The following B3GALT5 variants were observed in gnomAD, a reference collection of about 807,000 sequenced individuals.
B3GALT5 encodes the protein beta-1,3-galactosyltransferase 5.
For synonymous variants in B3GALT5, 156 were observed against 158.6 expected, an observed-to-expected ratio of 0.98 and a Z score of 0.12; for missense variants, 328 against 396.6, an observed-to-expected ratio of 0.83 and a Z score of 1.47.
rs774522206 is a variant in B3GALT5, at chr21:39,666,189, G to A, written c.*4697G>A. On this transcript the variant is annotated 3_prime_UTR_variant, in exon 4 of 4. Coordinates refer to ENST00000684187, the MANE Select transcript of B3GALT5 (RefSeq NM_001356336.2). The stretch of plus-strand genomic sequence containing the variant: ...CTCTTCACCCCTTTTCTTCCAAAAC[G>A]GAAAACCTCACACAATGCAGGGTGG... 4 of 152,276 alleles carry A rather than the reference G, an allele frequency of 2.6e-5. No homozygotes were observed. The highest frequency in any genetic ancestry group is 6.5e-5 in the Admixed American group (1 of 15,284). The allele number at this position is 152,276 out of a possible 1,614,324, so 9.4% of individuals were successfully genotyped here.
intron 1 of B3GALT5, chr21:39,630,464 G>C (rs545123856): frequency 2.6e-5 from 4 of 152,288 alleles, no homozygotes; most frequent in Admixed American, 2.6e-4. Flanking sequence ...TGACTCACTC[G>C]GAACTGCTTG....
intron 2 of B3GALT5, chr21:39,657,776 T>C: frequency 9.9e-7 from 1 of 1,009,266 alleles, no homozygotes; most frequent in South Asian, 5.0e-5. Flanking sequence ...GTTGATTCGA[T>C]CTCTCTAGAG....
At chr21:39,623,501 G>A (rs111766274) in intron 1 of B3GALT5, among the ~76,000 whole-genome samples, 2,364 of 151,842 alleles carry the variant, frequency 0.016, 70 homozygotes, top group African/African-American at 0.053. Context: ...TATTATTGAG[G>A]CTACATGGGT....
At position 39,660,781 on chromosome 21, in the gene B3GALT5, G is replaced by A. The variant is rs755928594; in HGVS notation, c.222G>A (p.Met74Ile). ...TSSHKQLAER[M>I]AIRQTWGKER... The stretch of plus-strand genomic sequence containing the variant: ...CCCACAAACAGTTGGCTGAGCGCAT[G>A]GCCATCCGGCAGACGTGGGGGAAAG... Residue 74 changes from methionine to isoleucine, a missense_variant, in exon 4 of 4, where the codon ATG (methionine) becomes ATA (isoleucine). Met to Ile is a conservative substitution (Grantham distance 10, BLOSUM62 1). Transcript: ENST00000684187. The A allele has an allele frequency of 6.4e-7, 1 of 1,568,842 alleles. No homozygotes were observed. Among genetic ancestry groups the A allele is most frequent in the South Asian group, 1.2e-5 (1 of 82,132 alleles).
At chr21:39,621,626 T>A (rs1396123129) in intron 1 of B3GALT5, among the ~76,000 whole-genome samples, 1 of 152,122 alleles carries the variant, frequency 6.6e-6, no homozygotes, top group African/African-American at 2.4e-5. Flanking sequence ...CAGGTTCTAT[T>A]CCTTTTCAAT....
At chr21:39,627,693 T>A (rs1473454994) in intron 1 of B3GALT5, among the ~76,000 whole-genome samples, 1 of 152,210 alleles carries the variant, frequency 6.6e-6, no homozygotes, top group African/African-American at 2.4e-5. Context: ...TCTCTACCTT[T>A]TATTTATTCA....
chr21:39,659,722 T>C (rs1227408586), intron 2 of B3GALT5, 31 bp from the exon 3 acceptor site: 1 of 983,840 alleles, frequency 1.0e-6, no homozygotes, highest in African/African-American at 1.7e-5. Flanking sequence ...CACGAGTGAT[T>C]TGAATGACAC....
intron 2 of B3GALT5, among the ~76,000 whole-genome samples, chr21:39,658,763 G>T (rs1334676315): frequency 6.6e-6 from 1 of 152,146 alleles, no homozygotes; most frequent in Non-Finnish European, 1.5e-5. Flanking sequence ...CAGGAGCTGG[G>T]CAGGAACTCC....
chr21:39,637,986 G>A (rs1158981604), intron 1 of B3GALT5, among the ~76,000 whole-genome samples: 1 of 152,156 alleles, frequency 6.6e-6, no homozygotes, highest in Non-Finnish European at 1.5e-5. Flanking sequence ...GGGTCAGGGT[G>A]TTGCCTTTTG....
intron 2 of B3GALT5, among the ~76,000 whole-genome samples, chr21:39,652,027 T>G (rs2079400220): frequency 1.3e-5 from 2 of 152,226 alleles, no homozygotes; most frequent in Admixed American, 6.5e-5. Flanking sequence ...TTGTGGCTCC[T>G]TAACTGGCTC....
In B3GALT5 at chr21:39,671,417, G is replaced by A. The variant is rs1159339786; in HGVS notation, c.*9925G>A. 1 of 152,092 alleles carries A rather than the reference G, an allele frequency of 6.6e-6. No homozygotes were observed. Among genetic ancestry groups the A allele is most frequent in the South Asian group, 2.1e-4 (1 of 4,816 alleles). 9.4% of individuals were successfully genotyped at this position (152,092 alleles called of 1,614,324 possible). A position where few individuals can be genotyped will look rare whatever the true frequency, so the allele number is the denominator to read the frequency against. ...CTCTCTCTGTTTGGGTCTCTGGCAT[G>A]GTGCCTGCTGGAGAGTAGATACTTG... On this transcript the variant is annotated 3_prime_UTR_variant, in exon 4 of 4. Transcript: ENST00000684187.
At chr21:39,629,606 T>C (rs562643669) in intron 1 of B3GALT5, among the ~76,000 whole-genome samples, 14 of 152,356 alleles carry the variant, frequency 9.2e-5, no homozygotes, top group African/African-American at 3.4e-4. Context: ...CTTTCTTTCA[T>C]AATGAACATG....
rs551840451 is a variant in B3GALT5, at chr21:39,662,271, C to T, written c.*779C>T. 2 of 167,250 alleles carry T rather than the reference C, an allele frequency of 1.2e-5. No homozygotes were observed. The highest frequency in any genetic ancestry group is 2.1e-4 in the South Asian group (1 of 4,828). 10.4% of individuals were successfully genotyped at this position (167,250 alleles called of 1,614,324 possible). Reference sequence around the variant, plus strand: ...TGACCTGCTGTACAGACTGCCCACACTGCTGACCTGCCTAGCGAGCAGGAC... The same window carrying T: ...TGACCTGCTGTACAGACTGCCCACATTGCTGACCTGCCTAGCGAGCAGGAC... On this transcript the variant is annotated 3_prime_UTR_variant, in exon 4 of 4. Transcript: ENST00000684187.
intron 1 of B3GALT5, among the ~76,000 whole-genome samples, chr21:39,628,938 A>G (rs1174714833): frequency 4.6e-5 from 7 of 152,202 alleles, no homozygotes; most frequent in Non-Finnish European, 8.8e-5. Context: ...AGAGTCTTGT[A>G]ACTAAAAAGT....
chr21:39,623,311 G>T (rs2079147759), intron 1 of B3GALT5, among the ~76,000 whole-genome samples: 1 of 139,808 alleles, frequency 7.2e-6, no homozygotes, highest in African/African-American at 2.7e-5. Flanking sequence ...CTTTTCTTGG[G>T]TAATTTCCTA....
intron 1 of B3GALT5, among the ~76,000 whole-genome samples, chr21:39,615,759 G>A (rs990094301): frequency 5.9e-5 from 9 of 152,148 alleles, no homozygotes; most frequent in African/African-American, 1.4e-4. Flanking sequence ...TGAGGATTAC[G>A]TGGTTCTGTA....
chr21:39,638,016 C>T (rs1466672524), intron 1 of B3GALT5, among the ~76,000 whole-genome samples: 1 of 152,116 alleles, frequency 6.6e-6, no homozygotes, highest in Non-Finnish European at 1.5e-5. Flanking sequence ...GTCATAATGT[C>T]CTTGCCACAC....
In B3GALT5 at chr21:39,660,748, G is replaced by A. The variant is rs1390185632; in HGVS notation, c.189G>A (p.Val63=). ...RQTPPFLVLL[V]TSSHKQLAER... ...CACCTCCCTTCCTCGTCCTGCTGGT[G>A]ACCTCATCCCACAAACAGTTGGCTG... Residue 63 remains valine (V), a synonymous_variant, in exon 4 of 4, where the codon GTG becomes GTA. Transcript: ENST00000684187. The A allele has an allele frequency of 6.5e-7, 1 of 1,548,072 alleles. No individual in the cohort carries two copies.
In B3GALT5 at chr21:39,640,414, T is replaced by G. The variant is rs545531811; in HGVS notation, c.-391-5978T>G. Among the ~76,000 whole-genome samples, 81 of 152,264 alleles carry G rather than the reference T, an allele frequency of 5.3e-4. No individual in the cohort carries two copies. In the South Asian group the frequency reaches 0.017, roughly 31 times the overall value. ...CCCCTTTCTCCCTCATGCTCCCTGG[T>G]TCAGACCCTCTTCCCCAGGTCAACA... On this transcript the variant is annotated intron_variant, in intron 1 of 3. Transcript: ENST00000684187.
Sources: allele counts gnomAD v4.1 joint callset (sites outside exome capture counted in the v4.1 genomes callset), GRCh38; gene constraint gnomAD v4.1.1; transcripts MANE v1.5; gene names NCBI Gene and HGNC (gene_info 2026-07-23, HGNC 2026-07-21).